Variants in NTM observed in about 807,000 individuals in gnomAD.
NTM encodes the protein IgLON family member 2.
In NTM, 13 loss-of-function variants were observed where a neutral mutation model predicts 42.1. The observed-to-expected ratio is 0.31, with a 90% CI of 0.20 to 0.49. The LOEUF is 0.49. Ranked by LOEUF, NTM falls within the 20% of genes least tolerant of loss-of-function variation. The pLI is 0.99. For missense variants in NTM, 373 were observed against 452.8 expected (o/e 0.82, Z 1.60); for synonymous variants, 187 against 179.2 (o/e 1.04, Z -0.35).
At chr11:131,761,188 A>C (rs1363794373) in intron 1 of NTM, among the ~76,000 whole-genome samples, 6 of 152,202 alleles carry the variant, frequency 3.9e-5, no homozygotes, top group Non-Finnish European at 8.8e-5. Flanking sequence ...AGGACCTGTT[A>C]TGCGTTACGG....
intron 1 of NTM, among the ~76,000 whole-genome samples, chr11:131,813,896 C>T (rs182579140): frequency 5.9e-4 from 90 of 152,226 alleles, no homozygotes; most frequent in Non-Finnish European, 1.1e-3. Flanking sequence ...CCCTCATTCT[C>T]CTCATTCGTA....
At chr11:131,804,639 T>A (rs923784750) in intron 1 of NTM, among the ~76,000 whole-genome samples, 2 of 152,162 alleles carry the variant, frequency 1.3e-5, no homozygotes, top group Non-Finnish European at 2.9e-5. Flanking sequence ...CTCTGCAACA[T>A]CTTCTCTCAG....
chr11:132,067,750 C>T (rs2056737407), intron 2 of NTM, among the ~76,000 whole-genome samples: 1 of 152,216 alleles, frequency 6.6e-6, no homozygotes, highest in Non-Finnish European at 1.5e-5. Context: ...TCTGGCCTTG[C>T]AATTCTGGGC....
intron 1 of NTM, 112 bp from the exon 2 acceptor site, chr11:131,911,452 C>T (rs761635280): frequency 4.3e-6 from 7 of 1,613,656 alleles, no homozygotes; most frequent in African/African-American, 2.7e-5. Context: ...GTGCGGCTGC[C>T]GGAGTTCGGG....
At chr11:131,615,930 G>A (rs1459265393) in intron 1 of NTM, among the ~76,000 whole-genome samples, 1 of 152,234 alleles carries the variant, frequency 6.6e-6, no homozygotes, top group Non-Finnish European at 1.5e-5. Context: ...CAGCGGCTGG[G>A]GCGTAGCCTA....
chr11:132,235,609 C>G (rs1592413846), intron 4 of NTM, among the ~76,000 whole-genome samples: 1 of 152,132 alleles, frequency 6.6e-6, no homozygotes, highest in Admixed American at 6.5e-5. Context: ...GTCCCTTGGG[C>G]TTTTTATCAA....
At chr11:132,276,111 C>G (rs1213557096) in intron 4 of NTM, among the ~76,000 whole-genome samples, 1 of 151,922 alleles carries the variant, frequency 6.6e-6, no homozygotes, top group Admixed American at 6.6e-5. Context: ...CATTCTGTGT[C>G]TGGCTTATTT....
intron 1 of NTM, among the ~76,000 whole-genome samples, chr11:131,397,920 T>C (rs1944737872): frequency 6.6e-6 from 1 of 152,184 alleles, no homozygotes; most frequent in South Asian, 2.1e-4. Flanking sequence ...GAGAATGCAA[T>C]AAAATCTGCT....
chr11:132,212,662 G>T (rs1028526205), intron 4 of NTM, among the ~76,000 whole-genome samples: 2 of 152,194 alleles, frequency 1.3e-5, no homozygotes, highest in African/African-American at 4.8e-5. Context: ...AACTTAATAT[G>T]TGACTAAATT....
At chr11:131,450,278 C>T (rs1950381798) in intron 1 of NTM, among the ~76,000 whole-genome samples, 1 of 152,184 alleles carries the variant, frequency 6.6e-6, no homozygotes, top group Non-Finnish European at 1.5e-5. Context: ...GGAAGAAAGA[C>T]AATGTTTATG....
chr11:131,625,945 A>G (rs2063061105), intron 1 of NTM, among the ~76,000 whole-genome samples: 1 of 152,176 alleles, frequency 6.6e-6, no homozygotes, highest in Admixed American at 6.5e-5. Context: ...TATGCTACAC[A>G]TTATTTTATG....
At chr11:131,815,039 G>C (rs565650004) in intron 1 of NTM, among the ~76,000 whole-genome samples, 2 of 152,194 alleles carry the variant, frequency 1.3e-5, no homozygotes, top group South Asian at 4.2e-4. Context: ...AGCAATCCGA[G>C]ATTTTTAAAA....
chr11:131,454,536 T>G (rs2136067921), intron 1 of NTM, among the ~76,000 whole-genome samples: 1 of 152,296 alleles, frequency 6.6e-6, no homozygotes, highest in Middle Eastern at 3.4e-3. Flanking sequence ...TTCCTGCGCT[T>G]TACAGAGCTA....
Position 131,385,906 on chromosome 11 carries a change from C to G in NTM, c.82+15018C>G, listed in dbSNP as rs574997189. Among the ~76,000 whole-genome samples, 3 of 152,208 alleles carry G rather than the reference C, an allele frequency of 2.0e-5. No individual in the cohort carries two copies. The South Asian group carries it at 6.2e-4, about 32-fold the overall frequency. ...ACAACATTAAACATACTAAATCAGT[C>G]AGTGAATTGGAAAAAAATAAGCTAA... On this transcript the variant is annotated intron_variant, in intron 1 of 8. Coordinates refer to ENST00000683400, the MANE Select transcript of NTM (RefSeq NM_001352005.2).
At chr11:131,511,843 G>A (rs1248923590) in intron 1 of NTM, among the ~76,000 whole-genome samples, 1 of 152,138 alleles carries the variant, frequency 6.6e-6, no homozygotes, top group African/African-American at 2.4e-5. Context: ...GTAACTGAAA[G>A]CACTTTGCAA....
At chr11:132,172,787 C>A (rs1452952467) in intron 3 of NTM, among the ~76,000 whole-genome samples, 1 of 152,206 alleles carries the variant, frequency 6.6e-6, no homozygotes, top group Non-Finnish European at 1.5e-5. Flanking sequence ...CTGTCAGAAA[C>A]TCTGGACATG....
chr11:131,659,787 C>T (rs914736908), intron 1 of NTM, among the ~76,000 whole-genome samples: 3 of 152,138 alleles, frequency 2.0e-5, no homozygotes, highest in Non-Finnish European at 2.9e-5. Context: ...GCAACAGAAT[C>T]GGGGGACACG....
At chr11:131,638,812 G>GT (rs768269872) in intron 1 of NTM, among the ~76,000 whole-genome samples, 12 of 149,990 alleles carry the variant, frequency 8.0e-5, no homozygotes, top group South Asian at 2.1e-4. Context: ...GGTTTGTTTT[G>GT]TTTTTTTAAT....
At chr11:132,325,717 CAT>C (rs1405825749) in intron 7 of NTM, among the ~76,000 whole-genome samples, 1 of 152,182 alleles carries the variant, frequency 6.6e-6, no homozygotes, top group Admixed American at 6.5e-5. Flanking sequence ...CACACGCACA[CAT>C]ATGTTTATTG....
Sources: allele counts gnomAD v4.1 joint callset (sites outside exome capture counted in the v4.1 genomes callset), GRCh38; gene constraint gnomAD v4.1.1; transcripts MANE v1.5; gene names NCBI Gene and HGNC (gene_info 2026-07-23, HGNC 2026-07-21).